The following GABRG3 variants were observed in gnomAD, a reference collection of about 807,000 sequenced individuals.
GABRG3 encodes the protein gamma-aminobutyric acid receptor subunit gamma-3.
A neutral mutation model predicts 48.8 loss-of-function variants in GABRG3; 25 were observed. The ratio of observed to expected loss-of-function variants is 0.51; its 90% CI spans 0.37 to 0.72. GABRG3 has a LOEUF of 0.72. Among genes scored for constraint, GABRG3 ranks in the 30% least tolerant of loss-of-function variants. The probability of loss-of-function intolerance (pLI) is 0.00; values close to 1 mark genes in which losing one functional copy is unlikely to be tolerated. For synonymous variants in GABRG3, 227 were observed against 217.6 expected (o/e 1.04, Z -0.38); for missense variants, 394 against 577.9 (o/e 0.68, Z 3.26).
intron 3 of GABRG3, among the ~76,000 whole-genome samples, chr15:27,091,346 A>G (rs1339595570): frequency 6.6e-6 from 1 of 152,200 alleles, no homozygotes; most frequent in African/African-American, 2.4e-5. Context: ...CATGATGTAT[A>G]ATCCCTTACA....
At chr15:27,306,891 A>G (rs1286991553) in intron 3 of GABRG3, among the ~76,000 whole-genome samples, 2 of 108,806 alleles carry the variant, frequency 1.8e-5, no homozygotes, top group African/African-American at 7.3e-5. Context: ...AACATACAAT[A>G]TAAACATGTT....
rs191477823 is a variant in GABRG3 at position 27,337,698 on chromosome 15, C to T, written c.574+8810C>T. Among the ~76,000 whole-genome samples, 368 of 152,222 alleles carry T rather than the reference C, an allele frequency of 2.4e-3. 2 individuals are homozygous for T. The highest frequency in any genetic ancestry group is 3.6e-3 in the Non-Finnish European group (244 of 68,006). On this transcript the variant is annotated intron_variant, in intron 5 of 9. Coordinates refer to ENST00000615808, the MANE Select transcript of GABRG3 (RefSeq NM_033223.5). ...ATTTTTTCTCCCTGTTTATTTCCAG[C>T]GTCTTTCTTTATACATGCTCTGCAC...
intron 3 of GABRG3, among the ~76,000 whole-genome samples, chr15:27,082,456 A>T (rs1897006864): frequency 6.6e-6 from 1 of 152,196 alleles, no homozygotes; most frequent in Admixed American, 6.5e-5. Flanking sequence ...ACATAATAAG[A>T]CAAAAAAAAT....
intron 3 of GABRG3, among the ~76,000 whole-genome samples, chr15:27,048,175 C>T (rs1308614240): frequency 6.6e-6 from 1 of 152,070 alleles, no homozygotes; most frequent in African/African-American, 2.4e-5. Flanking sequence ...AGGACTGCAC[C>T]CCACTGCCCT....
chr15:27,098,421 G>C (rs1034972374), intron 3 of GABRG3, among the ~76,000 whole-genome samples: 6 of 152,146 alleles, frequency 3.9e-5, no homozygotes, highest in Non-Finnish European at 8.8e-5. Flanking sequence ...GTGACAGACA[G>C]ACACTCCGTC....
intron 3 of GABRG3, among the ~76,000 whole-genome samples, chr15:27,214,553 C>T (rs1427739874): frequency 2.0e-5 from 3 of 152,204 alleles, no homozygotes; most frequent in Non-Finnish European, 4.4e-5. Context: ...ATTCTGTATA[C>T]TTTCTATACA....
chr15:27,244,577 G>C (rs1890220137), intron 3 of GABRG3, among the ~76,000 whole-genome samples: 3 of 152,122 alleles, frequency 2.0e-5, no homozygotes, highest in Admixed American at 2.0e-4. Flanking sequence ...CAGTATTTTT[G>C]AATTACAATA....
At chr15:27,432,959 G>A (rs1388242370) in intron 5 of GABRG3, among the ~76,000 whole-genome samples, 4 of 152,120 alleles carry the variant, frequency 2.6e-5, no homozygotes, top group Admixed American at 2.0e-4. Context: ...CAGTTTCCAA[G>A]AACATGTTCT....
intron 3 of GABRG3, among the ~76,000 whole-genome samples, chr15:27,229,219 T>C (rs1012003218): frequency 6.6e-6 from 1 of 152,190 alleles, no homozygotes; most frequent in Non-Finnish European, 1.5e-5. Flanking sequence ...AAGTCTTCAA[T>C]CCATCTTGAG....
At chr15:27,246,744 C>A (rs958557871) in intron 3 of GABRG3, among the ~76,000 whole-genome samples, 2 of 152,128 alleles carry the variant, frequency 1.3e-5, no homozygotes, top group African/African-American at 4.8e-5. Context: ...TTGTGGTTAT[C>A]ATGATCTGAT....
intron 3 of GABRG3, among the ~76,000 whole-genome samples, chr15:27,310,371 A>G (rs1445143957): frequency 6.6e-6 from 1 of 152,152 alleles, no homozygotes; most frequent in Admixed American, 6.6e-5. Flanking sequence ...GAAAGACACT[A>G]TTTTCACTAG....
intron 3 of GABRG3, among the ~76,000 whole-genome samples, chr15:27,244,935 G>A (rs1890227279): frequency 6.6e-6 from 1 of 152,068 alleles, no homozygotes; most frequent in Non-Finnish European, 1.5e-5. Flanking sequence ...GGTGGTCATG[G>A]CTGGTGTAGG....
At chr15:27,088,196 G>A (rs966967483) in intron 3 of GABRG3, among the ~76,000 whole-genome samples, 2 of 148,074 alleles carry the variant, frequency 1.4e-5, no homozygotes, top group African/African-American at 5.0e-5. Flanking sequence ...AGCCTTGCAG[G>A]CGGGCTCACG....
intron 3 of GABRG3, among the ~76,000 whole-genome samples, chr15:27,222,397 A>G (rs929453888): frequency 2.0e-5 from 3 of 152,262 alleles, no homozygotes; most frequent in African/African-American, 7.2e-5. Context: ...AGTATTACCT[A>G]TAATTACTAT....
intron 3 of GABRG3, among the ~76,000 whole-genome samples, chr15:27,142,277 C>G (rs188664431): frequency 6.6e-6 from 1 of 152,120 alleles, no homozygotes; most frequent in Non-Finnish European, 1.5e-5. Context: ...AAAGACATAT[C>G]CAAGACTGGG....
At chr15:27,392,451 C>T (rs575373291) in intron 5 of GABRG3, among the ~76,000 whole-genome samples, 20 of 152,262 alleles carry the variant, frequency 1.3e-4, no homozygotes, top group Non-Finnish European at 2.6e-4. Context: ...CGGGGTTATG[C>T]GTTTTTGAGA....
At chr15:27,321,259 A>T (rs530178858) in intron 3 of GABRG3, among the ~76,000 whole-genome samples, 1 of 152,284 alleles carries the variant, frequency 6.6e-6, no homozygotes, top group East Asian at 1.9e-4. Context: ...GTTAGTCTTT[A>T]TGTAAATCTA....
chr15:27,316,142 T>C (rs923847763), intron 3 of GABRG3, among the ~76,000 whole-genome samples: 1 of 152,094 alleles, frequency 6.6e-6, no homozygotes, highest in African/African-American at 2.4e-5. Flanking sequence ...CCCAGCACTT[T>C]GGGAGGCCGA....
At chr15:27,431,405 T>A (rs1354062353) in intron 5 of GABRG3, among the ~76,000 whole-genome samples, 3 of 152,254 alleles carry the variant, frequency 2.0e-5, no homozygotes, top group African/African-American at 7.2e-5. Context: ...TGAACTTTTT[T>A]ATTCTAATCG....
Sources: gnomAD v4.1 joint callset for allele counts (sites outside exome capture counted in the v4.1 genomes callset) on GRCh38, gnomAD v4.1.1 for gene constraint, MANE v1.5 for transcripts, NCBI Gene and HGNC (gene_info 2026-07-23, HGNC 2026-07-21) for gene names.